HSD11B1: variants seen among roughly 807,000 people sequenced by gnomAD.
HSD11B1 encodes hydroxysteroid 11-beta dehydrogenase 1.
In HSD11B1, 15 loss-of-function variants were observed where a neutral mutation model predicts 22.1. The ratio of observed to expected loss-of-function variants is 0.68; its 90% CI spans 0.45 to 1.04. HSD11B1 has a LOEUF of 1.04. HSD11B1 is among the 50% of genes least tolerant of loss of function. The pLI, the probability that HSD11B1 is intolerant of heterozygous loss-of-function variation, is 0.00. For synonymous variants in HSD11B1, 122 were observed against 125.2 expected (o/e 0.97, Z 0.17); for missense variants, 281 against 357.6 (o/e 0.79, Z 1.73).
At chr1:209,705,658 T>C (rs1022464423) in intron 1 of HSD11B1, among the ~76,000 whole-genome samples, 153 bp from the exon 2 acceptor site, 5 of 152,180 alleles carry the variant, frequency 3.3e-5, no homozygotes, top group African/African-American at 1.2e-4. Context: ...ACCTGGCCTG[T>C]TCCCACAGTG....
intron 1 of HSD11B1, among the ~76,000 whole-genome samples, chr1:209,687,961 C>T (rs967082234): frequency 3.3e-5 from 5 of 152,184 alleles, no homozygotes; most frequent in Non-Finnish European, 7.4e-5. Flanking sequence ...TTACATGTCT[C>T]ATTTCTTTAT....
At chr1:209,716,940 G>C (rs2076934066) in intron 4 of HSD11B1, among the ~76,000 whole-genome samples, 2 of 152,090 alleles carry the variant, frequency 1.3e-5, no homozygotes, top group African/African-American at 4.8e-5. Flanking sequence ...TGTAAGACCT[G>C]AAACTATGAA....
intron 1 of HSD11B1, among the ~76,000 whole-genome samples, chr1:209,695,849 A>G (rs79388648): frequency 0.034 from 5,237 of 152,284 alleles, 123 homozygotes; most frequent in African/African-American, 0.055. Flanking sequence ...CATATGACCC[A>G]GCAATGCCAC....
In HSD11B1 at chr1:209,704,971, C is replaced by T. The variant is rs748009551; in HGVS notation, c.29C>T (p.Pro10Leu). 6.2e-6 allele frequency: 10 copies of T among 1,613,780 alleles called. No homozygotes were observed. Among genetic ancestry groups the T allele is most frequent in the Non-Finnish European group, 8.5e-6 (10 of 1,179,836 alleles). The change falls in exon 1 of 6, where the codon CCC (proline) becomes CTC (leucine). Residue 10 changes from proline (P) to leucine (L), a missense_variant. Pro to Leu is a moderately conservative substitution (Grantham distance 98). Coordinates refer to ENST00000367027, the MANE Select transcript of HSD11B1 (RefSeq NM_005525.4). The part of the protein sequence containing the change: MAFMKKYLL[P>L]ILGLFMAYYY... The stretch of plus-strand genomic sequence containing the variant: ...GCTTTTATGAAAAAATATCTCCTCC[C>T]CATTCTGGGGCTCTTCATGGCCTAC...
intron 4 of HSD11B1, among the ~76,000 whole-genome samples, chr1:209,715,194 C>A (rs1452276719): frequency 6.6e-6 from 1 of 151,984 alleles, no homozygotes; most frequent in South Asian, 2.1e-4. Flanking sequence ...ATCAATGTTA[C>A]AAATATGAAA....
rs770803034 is a variant in HSD11B1 at position 209,707,048 on chromosome 1, G to T, written c.437G>T (p.Ser146Ile). ...AAAAGCATGGAAGTCAACTTCCTCAGTTACGTGGTCCTGACTGTAGCTGCC... is the reference window on the plus strand; with the variant it reads ...AAAAGCATGGAAGTCAACTTCCTCATTTACGTGGTCCTGACTGTAGCTGCC... The part of the protein sequence containing the change: ...VRKSMEVNFL[S>I]YVVLTVAALP... Residue 146 changes from serine to isoleucine, a missense_variant, in exon 4 of 6, where the codon AGT becomes ATT. Ser to Ile is a moderately radical substitution (Grantham distance 142). Coordinates refer to ENST00000367027, the MANE Select transcript of HSD11B1 (RefSeq NM_005525.4). The T allele has an allele frequency of 6.2e-7, 1 of 1,614,080 alleles. No individual in the cohort carries two copies.
chr1:209,692,616 G>GGGGGC (rs1553286745), intron 1 of HSD11B1, among the ~76,000 whole-genome samples: 3 of 110,530 alleles, frequency 2.7e-5, no homozygotes, highest in Non-Finnish European at 3.8e-5. Context: ...GCGGGGGGGG[G>GGGGGC]GGTGGGGGCT....
intron 4 of HSD11B1, among the ~76,000 whole-genome samples, chr1:209,720,052 C>G (rs1259750795): frequency 6.6e-6 from 1 of 152,110 alleles, no homozygotes; most frequent in East Asian, 1.9e-4. Flanking sequence ...ACCTATGTAA[C>G]AAACCTGCAT....
chr1:209,693,338 T>C (rs2076772325), intron 1 of HSD11B1, among the ~76,000 whole-genome samples: 1 of 152,198 alleles, frequency 6.6e-6, no homozygotes, highest in Non-Finnish European at 1.5e-5. Flanking sequence ...CTGTGGTCAA[T>C]ACTGAGGAAG....
intron 1 of HSD11B1, among the ~76,000 whole-genome samples, chr1:209,688,517 T>C (rs368333213): frequency 6.6e-6 from 1 of 152,168 alleles, no homozygotes; most frequent in Non-Finnish European, 1.5e-5. Context: ...ATTCCAGAGA[T>C]GTATTAGTGC....
rs2077041277 is a variant in HSD11B1, at chr1:209,732,441, G to C, written c.523G>C (p.Val175Leu). 2 of 1,614,136 alleles carry C rather than the reference G, an allele frequency of 1.2e-6. No individual in the cohort carries two copies. The highest frequency in any genetic ancestry group is 8.5e-7 in the Non-Finnish European group (1 of 1,180,002). The stretch of plus-strand genomic sequence containing the variant: ...TTCTTTAATCTGTCATTTAGGGAAA[G>C]TGGCTTATCCAATGGTTGCTGCCTA... ...IVVVSSLAGK[V>L]AYPMVAAYSA... is the part of the protein sequence containing the mutation. The change falls in exon 5 of 6, where the codon GTG (valine) becomes CTG (leucine). Residue 175 changes from valine to leucine, a missense_variant. By Grantham distance (32) the Val-to-Leu change is conservative (BLOSUM62 1). Transcript: ENST00000367027.
intron 4 of HSD11B1, among the ~76,000 whole-genome samples, chr1:209,720,332 C>T (rs534838724): frequency 1.2e-4 from 18 of 152,126 alleles, no homozygotes; most frequent in Admixed American, 4.6e-4. Flanking sequence ...AATGCATAAC[C>T]TGAATCAAAT....
intron 4 of HSD11B1, among the ~76,000 whole-genome samples, chr1:209,730,924 G>A (rs149812433): frequency 1.2e-3 from 186 of 152,320 alleles, no homozygotes; most frequent in African/African-American, 4.3e-3. Flanking sequence ...AGAGCAGATA[G>A]AAAATGGAGG....
chr1:209,728,064 C>T (rs1233018199), intron 4 of HSD11B1, among the ~76,000 whole-genome samples: 3 of 152,226 alleles, frequency 2.0e-5, no homozygotes, highest in Non-Finnish European at 4.4e-5. Context: ...GGCAGGAAGT[C>T]CATGGCAAGC....
intron 4 of HSD11B1, among the ~76,000 whole-genome samples, chr1:209,730,854 C>A (rs1329647537): frequency 2.0e-5 from 3 of 152,198 alleles, no homozygotes; most frequent in Non-Finnish European, 2.9e-5. Flanking sequence ...CCCCAGATTA[C>A]AACTATAAGC....
chr1:209,697,884 CTTTTTTTT>C (rs988076432), intron 1 of HSD11B1, among the ~76,000 whole-genome samples: 49 of 41,602 alleles, frequency 1.2e-3, no homozygotes, highest in South Asian at 2.7e-3. Context: ...TTGTTTTTTC[CTTTTTTTT>C]TTTTTTTTTT....
At chr1:209,697,276 G>A (rs2076796717) in intron 1 of HSD11B1, among the ~76,000 whole-genome samples, 1 of 152,112 alleles carries the variant, frequency 6.6e-6, no homozygotes, top group South Asian at 2.1e-4. Context: ...TGCAAAGAAT[G>A]TTCTACAAAC....
At chr1:209,726,439 C>CA (rs746512790) in intron 4 of HSD11B1, among the ~76,000 whole-genome samples, 2 of 151,858 alleles carry the variant, frequency 1.3e-5, no homozygotes, top group South Asian at 2.1e-4. Flanking sequence ...GTTGTCTCTA[C>CA]AAAAAATTAA....
intron 1 of HSD11B1, among the ~76,000 whole-genome samples, chr1:209,690,704 T>C (rs1241382732): frequency 6.6e-6 from 1 of 151,608 alleles, no homozygotes; most frequent in Non-Finnish European, 1.5e-5. Context: ...TCTCAAAAAA[T>C]TAATTAATTA....
Sources: gnomAD v4.1 joint callset for allele counts (sites outside exome capture counted in the v4.1 genomes callset) on GRCh38, gnomAD v4.1.1 for gene constraint, MANE v1.5 for transcripts, NCBI Gene and HGNC (gene_info 2026-07-23, HGNC 2026-07-21) for gene names.